The following SLC5A12 variants were observed in gnomAD, a reference collection of about 807,000 sequenced individuals.
SLC5A12 encodes the protein solute carrier family 5 member 12.
A neutral mutation model predicts 72.7 loss-of-function variants in SLC5A12; 46 were observed. The ratio of observed to expected loss-of-function variants is 0.63; its 90% CI spans 0.50 to 0.81. The LOEUF (loss-of-function observed/expected upper bound fraction) is 0.81, where lower values mean the gene tolerates loss of function less well. SLC5A12 is among the 30% of genes least tolerant of loss of function. SLC5A12 has a pLI of 0.00. For synonymous variants in SLC5A12, 275 were observed against 264.4 expected, an observed-to-expected ratio of 1.04 and a Z score of -0.39; for missense variants, 683 against 740.7, an observed-to-expected ratio of 0.92 and a Z score of 0.90.
chr11:26,671,158 A>G lies in SLC5A12; in HGVS notation c.1801T>C (p.Tyr601His). The G allele has an allele frequency of 6.2e-7, 1 of 1,612,876 alleles. No individual in the cohort carries two copies. Among genetic ancestry groups the G allele is most frequent in the Non-Finnish European group, 8.5e-7 (1 of 1,179,318 alleles). ...RRESLVHVPGYDPKDKSYNNM... is the reference protein window; with the variant it reads ...RRESLVHVPGHDPKDKSYNNM... ...TTGTAGCTTTTGTCCTTAGGATCAT[A>G]GCCTGGAACATGTACCAGGCTTTCT... Residue 601 changes from tyrosine to histidine, a missense_variant, in exon 15 of 15, where the codon TAT becomes CAT. Physicochemically the swap from Tyr to His is moderately conservative, Grantham distance 83. Coordinates refer to ENST00000396005, the MANE Select transcript of SLC5A12 (RefSeq NM_178498.4).
At chr11:26,672,537 T>G (rs540991685) in intron 14 of SLC5A12, among the ~76,000 whole-genome samples, 196 of 152,222 alleles carry the variant, frequency 1.3e-3, no homozygotes, top group Admixed American at 1.5e-3. Flanking sequence ...CAGATAGCTT[T>G]GTGGTCATTT....
Position 26,700,854 on chromosome 11 carries a change from T to G in SLC5A12, c.822-2319A>C, listed in dbSNP as rs1203885798. On this transcript the variant is annotated intron_variant, in intron 6 of 14. Coordinates refer to ENST00000396005, the MANE Select transcript of SLC5A12 (RefSeq NM_178498.4). ...ATTTCTGGTCATGAAACCAAATGCATGTATATGAGCCACTCCTGATTCTAA... is the reference window on the plus strand; with the variant it reads ...ATTTCTGGTCATGAAACCAAATGCAGGTATATGAGCCACTCCTGATTCTAA... Among the ~76,000 whole-genome samples the G allele has an allele frequency of 3.3e-5, 5 of 152,234 alleles. No homozygotes were observed. In the East Asian group the frequency reaches 9.6e-4, roughly 29 times the overall value.
intron 6 of SLC5A12, among the ~76,000 whole-genome samples, chr11:26,701,842 A>G (rs1854965355): frequency 6.6e-6 from 1 of 152,152 alleles, no homozygotes; most frequent in Admixed American, 6.6e-5. Flanking sequence ...ACACACAAGC[A>G]TGGCCTTCTC....
At chr11:26,685,670 G>A (rs1279161845) in intron 10 of SLC5A12, among the ~76,000 whole-genome samples, 1 of 151,916 alleles carries the variant, frequency 6.6e-6, no homozygotes, top group Non-Finnish European at 1.5e-5. Flanking sequence ...TGAGAGAATC[G>A]GAGTAGAATC....
chr11:26,702,811 A>G (rs994192770), intron 6 of SLC5A12, among the ~76,000 whole-genome samples: 9 of 152,182 alleles, frequency 5.9e-5, no homozygotes, highest in African/African-American at 1.9e-4. Flanking sequence ...AACCTTTGCA[A>G]ATATAAATGA....
At chr11:26,720,228 T>C (rs959624891) in intron 1 of SLC5A12, among the ~76,000 whole-genome samples, 5 of 151,916 alleles carry the variant, frequency 3.3e-5, no homozygotes, top group African/African-American at 1.2e-4. Flanking sequence ...GGTGGCAAAC[T>C]TCTGTAGTCC....
At chr11:26,692,390 G>T (rs926806744) in intron 9 of SLC5A12, 99 bp downstream of exon 9, 2 of 776,306 alleles carry the variant, frequency 2.6e-6, no homozygotes, top group South Asian at 2.9e-5. Flanking sequence ...CAGTGCATTT[G>T]TGTTTATAAG....
chr11:26,710,707 G>A (rs1441373633), intron 3 of SLC5A12, among the ~76,000 whole-genome samples: 1 of 151,960 alleles, frequency 6.6e-6, no homozygotes, highest in Non-Finnish European at 1.5e-5. Flanking sequence ...GGAATATCAA[G>A]ATAAAAAGGA....
At chr11:26,719,282 T>C (rs1230078076) in intron 1 of SLC5A12, among the ~76,000 whole-genome samples, 3 of 152,230 alleles carry the variant, frequency 2.0e-5, no homozygotes, top group Admixed American at 2.0e-4. Context: ...GTAATACTAA[T>C]ATGTGCAGTA....
chr11:26,674,377 CA>C (rs142621833), intron 13 of SLC5A12, among the ~76,000 whole-genome samples: 1 of 145,864 alleles, frequency 6.9e-6, no homozygotes, highest in Non-Finnish European at 1.5e-5. Flanking sequence ...TTTCTAGAGA[CA>C]AAAAAAATAA....
chr11:26,688,717 A>G (rs1161611098), intron 9 of SLC5A12, among the ~76,000 whole-genome samples: 1 of 152,222 alleles, frequency 6.6e-6, no homozygotes, highest in Non-Finnish European at 1.5e-5. Flanking sequence ...TCAAGAGAAA[A>G]CAAGATGAAA....
chr11:26,697,128 CCAT>C (rs1235118082), intron 8 of SLC5A12, 33 bp downstream of exon 8: 8 of 1,532,890 alleles, frequency 5.2e-6, no homozygotes, highest in South Asian at 2.3e-5. Context: ...GTTATCCTTT[CCAT>C]CATCATCATC....
intron 9 of SLC5A12, among the ~76,000 whole-genome samples, chr11:26,688,746 G>C (rs1393181901): frequency 1.3e-5 from 2 of 152,168 alleles, no homozygotes; most frequent in Non-Finnish European, 2.9e-5. Flanking sequence ...AAGACAGGGT[G>C]TAACACCAAT....
chr11:26,688,408 C>T (rs1854588078), intron 9 of SLC5A12, among the ~76,000 whole-genome samples: 2 of 152,136 alleles, frequency 1.3e-5, no homozygotes. Context: ...CATCTACTTG[C>T]TATCAGCTCT....
chr11:26,671,045 G>GC lies in SLC5A12; in HGVS notation c.*56_*57insG. 1 of 1,471,422 alleles carries GC rather than the reference G, an allele frequency of 6.8e-7. No individual in the cohort carries two copies. Among genetic ancestry groups the GC allele is most frequent in the Non-Finnish European group, 9.2e-7 (1 of 1,088,294 alleles). 91.1% of individuals were successfully genotyped at this position (1,471,422 alleles called of 1,614,324 possible). On this transcript the variant is annotated 3_prime_UTR_variant, in exon 15 of 15. Transcript: ENST00000396005. ...AACAAGTAGGCAAGAAGTATGTGGA[G>GC]TTTGTGTGTGTGTGTGTGTATTGCA...
At chr11:26,694,465 G>A (rs1004922961) in intron 8 of SLC5A12, among the ~76,000 whole-genome samples, 7 of 152,136 alleles carry the variant, frequency 4.6e-5, no homozygotes, top group African/African-American at 7.2e-5. Context: ...CGAAAGAAAG[G>A]ACAGAGTGTG....
chr11:26,709,383 G>A lies in SLC5A12; in HGVS notation c.458-4C>T, dbSNP rs762240599. 19 of 1,603,486 alleles carry A rather than the reference G, an allele frequency of 1.2e-5. No homozygotes were observed. Among genetic ancestry groups the A allele is most frequent in the Non-Finnish European group, 1.4e-5 (17 of 1,175,212 alleles). On this transcript the variant is annotated splice_region_variant and splice_polypyrimidine_tract_variant and intron_variant, in intron 3 of 14. Transcript: ENST00000396005. The stretch of plus-strand genomic sequence containing the variant: ...CCCCAGAGATCAAACCCAGTCACTA[G>A]GAAAGAAGAAAAAAATATTAAAAGA...
chr11:26,678,853 C>T, intron 12 of SLC5A12, 38 bp from the exon 13 acceptor site: 2 of 1,414,846 alleles, frequency 1.4e-6, no homozygotes, highest in Non-Finnish European at 9.9e-7. Flanking sequence ...TCCATGCATC[C>T]TAAAGACCCA....
rs1259152687 is a variant in SLC5A12, at chr11:26,670,006, TG to T, written c.*1095del. The T allele has an allele frequency of 6.6e-6, 1 of 152,154 alleles. No homozygotes were observed. The highest frequency in any genetic ancestry group is 1.5e-5 in the Non-Finnish European group (1 of 68,024). 9.4% of individuals were successfully genotyped at this position (152,154 alleles called of 1,614,324 possible). ...TTCACTTCTTCCAAAAATCTTTCACTGCTCCTTCATTTGTCAACTCGCCTTT... is the reference window on the plus strand; with the variant it reads ...TTCACTTCTTCCAAAAATCTTTCACTCTCCTTCATTTGTCAACTCGCCTTT... On this transcript the variant is annotated 3_prime_UTR_variant, in exon 15 of 15. Transcript: ENST00000396005.
Sources: gnomAD v4.1 joint callset for allele counts (sites outside exome capture counted in the v4.1 genomes callset) on GRCh38, gnomAD v4.1.1 for gene constraint, MANE v1.5 for transcripts, NCBI Gene and HGNC (gene_info 2026-07-23, HGNC 2026-07-21) for gene names.